The following SPAG16 variants were observed in gnomAD, a reference collection of about 807,000 sequenced individuals.
The protein encoded by SPAG16 is sperm associated antigen 16.
Under a neutral mutation model 80.4 loss-of-function variants are expected in SPAG16, and 86 were observed. That is an observed-to-expected ratio of 1.07 (90% confidence interval 0.90 to 1.28). SPAG16 has a LOEUF of 1.28. Among genes scored for constraint, SPAG16 ranks in the 50% most tolerant of loss-of-function variants. The pLI is 0.00. For synonymous variants in SPAG16, 294 were observed against 265.9 expected (o/e 1.11, Z -1.03); for missense variants, 870 against 765.3 (o/e 1.14, Z -1.61).
chr2:213,610,239 C>G (rs2061398851), intron 10 of SPAG16, among the ~76,000 whole-genome samples: 1 of 152,086 alleles, frequency 6.6e-6, no homozygotes, highest in South Asian at 2.1e-4. Context: ...AGAGGACCTG[C>G]AAACAGAAGT....
intron 10 of SPAG16, among the ~76,000 whole-genome samples, chr2:213,744,875 A>G (rs1187125853): frequency 1.3e-5 from 2 of 152,228 alleles, no homozygotes; most frequent in Admixed American, 1.3e-4. Flanking sequence ...GACTCACAAG[A>G]ACATCTGTAA....
chr2:213,370,363 T>A (rs562651475), intron 8 of SPAG16, among the ~76,000 whole-genome samples: 1 of 152,236 alleles, frequency 6.6e-6, no homozygotes, highest in Non-Finnish European at 1.5e-5. Flanking sequence ...ACCAGGATTT[T>A]AACATAATTT....
In SPAG16 at chr2:214,233,341, A is replaced by G. The variant is rs988216669; in HGVS notation, c.1720+84075A>G. ...GCCCTAATTCTCAGTAAAAATAGAT[A>G]ATAATGATGATGATGATGATGATGA... is the stretch of plus-strand genomic sequence containing the variant. On this transcript the variant is annotated intron_variant, in intron 15 of 15. Coordinates refer to ENST00000331683, the MANE Select transcript of SPAG16 (RefSeq NM_024532.5). 2.2e-4 allele frequency among the ~76,000 whole-genome samples: 18 copies of G among 81,796 alleles called. No individual in the cohort carries two copies. The South Asian group carries it at 2.6e-3, about 12-fold the overall frequency. The allele number at this position is 81,796 out of a possible 152,430, so 53.7% of individuals were successfully genotyped here. A position where few individuals can be genotyped will look rare whatever the true frequency, so the allele number is the denominator to read the frequency against.
chr2:213,357,370 A>G (rs2065718158), intron 7 of SPAG16, among the ~76,000 whole-genome samples: 1 of 152,106 alleles, frequency 6.6e-6, no homozygotes, highest in Non-Finnish European at 1.5e-5. Flanking sequence ...AAAGTCTCCC[A>G]TTATTATTGT....
intron 12 of SPAG16, among the ~76,000 whole-genome samples, chr2:213,994,121 T>G (rs1182792765): frequency 6.6e-6 from 1 of 152,216 alleles, no homozygotes; most frequent in Non-Finnish European, 1.5e-5. Context: ...TGTGTGATTT[T>G]TTTTTCAAAC....
At chr2:214,307,130 G>T (rs1694972462) in intron 15 of SPAG16, among the ~76,000 whole-genome samples, 1 of 152,046 alleles carries the variant, frequency 6.6e-6, no homozygotes, top group Non-Finnish European at 1.5e-5. Flanking sequence ...TATATGTCCA[G>T]GAATTTATCC....
intron 15 of SPAG16, among the ~76,000 whole-genome samples, chr2:214,273,253 T>G: frequency 6.6e-6 from 1 of 152,232 alleles, no homozygotes; most frequent in East Asian, 1.9e-4. Flanking sequence ...GCCTGTTCAC[T>G]CTAATGGTAG....
At chr2:213,454,876 T>C (rs1369867588) in intron 9 of SPAG16, among the ~76,000 whole-genome samples, 1 of 152,220 alleles carries the variant, frequency 6.6e-6, no homozygotes, top group Non-Finnish European at 1.5e-5. Flanking sequence ...CAAGCACAAA[T>C]GTATGTATTC....
chr2:214,088,619 T>G (rs2051947788), intron 13 of SPAG16, among the ~76,000 whole-genome samples: 1 of 152,022 alleles, frequency 6.6e-6, no homozygotes, highest in South Asian at 2.1e-4. Context: ...TTTGAAAGAA[T>G]AATATTCTAG....
intron 9 of SPAG16, among the ~76,000 whole-genome samples, chr2:213,403,114 G>A (rs28834766): frequency 0.22 from 32,595 of 150,908 alleles, 4,118 homozygotes; most frequent in Non-Finnish European, 0.31. Flanking sequence ...TTTAATGATC[G>A]CCATTCTAAC....
At chr2:214,270,271 A>G (rs553445774) in intron 15 of SPAG16, among the ~76,000 whole-genome samples, 14 of 152,296 alleles carry the variant, frequency 9.2e-5, no homozygotes, top group African/African-American at 1.7e-4. Context: ...TTTCATTTGC[A>G]TAGTCTTTGT....
intron 15 of SPAG16, among the ~76,000 whole-genome samples, chr2:214,190,488 A>G (rs916954296): frequency 6.6e-6 from 1 of 152,090 alleles, no homozygotes; most frequent in Non-Finnish European, 1.5e-5. Context: ...ACTATTATAT[A>G]CCCTTGTATA....
At chr2:213,993,706 A>G (rs886660565) in intron 12 of SPAG16, among the ~76,000 whole-genome samples, 2 of 152,196 alleles carry the variant, frequency 1.3e-5, no homozygotes, top group African/African-American at 2.4e-5. Flanking sequence ...TCCAAAGATA[A>G]AGTATAGTAT....
intron 5 of SPAG16, among the ~76,000 whole-genome samples, chr2:213,338,218 A>C (rs2064482231): frequency 6.6e-6 from 1 of 152,220 alleles, no homozygotes; most frequent in South Asian, 2.1e-4. Context: ...TGAAGGAAGC[A>C]CTAAATATGG....
chr2:214,175,104 G>C (rs1050693790), intron 15 of SPAG16, among the ~76,000 whole-genome samples: 2 of 151,068 alleles, frequency 1.3e-5, no homozygotes, highest in African/African-American at 4.8e-5. Flanking sequence ...AATTGATTCT[G>C]CTATCTCTCC....
intron 14 of SPAG16, among the ~76,000 whole-genome samples, chr2:214,132,161 A>C (rs1019845702): frequency 6.6e-6 from 1 of 152,346 alleles, no homozygotes; most frequent in East Asian, 1.9e-4. Context: ...TTCTTGAAAG[A>C]GTTCTATTGC....
intron 14 of SPAG16, among the ~76,000 whole-genome samples, chr2:214,140,063 T>G (rs1299603227): frequency 6.6e-6 from 1 of 152,202 alleles, no homozygotes; most frequent in Non-Finnish European, 1.5e-5. Flanking sequence ...CTCCCTGAAA[T>G]GTATAAAACC....
chr2:214,318,082 T>C (rs529362025), intron 15 of SPAG16, among the ~76,000 whole-genome samples: 29 of 152,348 alleles, frequency 1.9e-4, no homozygotes, highest in African/African-American at 5.8e-4. Flanking sequence ...ATAGTTATGA[T>C]GTAAGATATC....
At chr2:213,933,648 A>G (rs2078865889) in intron 12 of SPAG16, among the ~76,000 whole-genome samples, 1 of 152,210 alleles carries the variant, frequency 6.6e-6, no homozygotes, top group South Asian at 2.1e-4. Context: ...GGTGGTTTGT[A>G]CCAAGGATAG....
Sources: allele counts gnomAD v4.1 joint callset (sites outside exome capture counted in the v4.1 genomes callset), GRCh38; gene constraint gnomAD v4.1.1; transcripts MANE v1.5; gene names NCBI Gene and HGNC (gene_info 2026-07-23, HGNC 2026-07-21).